Variants in GCSAML observed in about 807,000 individuals in gnomAD.
The protein encoded by GCSAML is germinal center-associated signaling and motility-like protein.
A neutral mutation model predicts 13.0 loss-of-function variants in GCSAML; 9 were observed. The observed-to-expected ratio is 0.69, with a 90% CI of 0.42 to 1.21. GCSAML has a LOEUF of 1.21. GCSAML is among the 50% of genes most tolerant of loss of function. The probability of loss-of-function intolerance (pLI) is 0.00; values close to 1 mark genes in which losing one functional copy is unlikely to be tolerated. For missense variants in GCSAML, 143 were observed against 153.4 expected, an observed-to-expected ratio of 0.93 and a Z score of 0.36; for synonymous variants, 37 against 52.9, an observed-to-expected ratio of 0.70 and a Z score of 1.31.
chr1:247,523,057 G>GT (rs1666515877), intron 1 of GCSAML, among the ~76,000 whole-genome samples: 1 of 151,928 alleles, frequency 6.6e-6, no homozygotes, highest in Non-Finnish European at 1.5e-5. Context: ...TATCAAAAAT[G>GT]TTTATCATTT....
chr1:247,542,161 A>G (rs1667437295), intron 2 of GCSAML, among the ~76,000 whole-genome samples: 1 of 152,236 alleles, frequency 6.6e-6, no homozygotes, highest in South Asian at 2.1e-4. Flanking sequence ...CTGTAGTCCC[A>G]GCTACTGGGG....
At chr1:247,531,416 A>C (rs1281853510) in intron 2 of GCSAML, 2 of 834,834 alleles carry the variant, frequency 2.4e-6, no homozygotes, top group Non-Finnish European at 3.8e-6. Context: ...GCATGAGCAC[A>C]CTCCTTTCAG....
At chr1:247,532,406 A>G in intron 2 of GCSAML, 1 of 1,614,146 alleles carries the variant, frequency 6.2e-7, no homozygotes, top group East Asian at 2.2e-5. Flanking sequence ...GATACCATGT[A>G]AAAACTCAAG....
At chr1:247,509,442 C>A (rs1210212571) in intron 1 of GCSAML, among the ~76,000 whole-genome samples, 1 of 152,166 alleles carries the variant, frequency 6.6e-6, no homozygotes, top group Non-Finnish European at 1.5e-5. Flanking sequence ...ACAATCATGT[C>A]ATCTGCAAAC....
At chr1:247,552,696 A>C (rs6426257) in intron 1 of GCSAML, among the ~76,000 whole-genome samples, 1 of 152,154 alleles carries the variant, frequency 6.6e-6, no homozygotes. Context: ...ATTTGGATTC[A>C]GACAACATTG....
At chr1:247,531,871 A>C in intron 2 of GCSAML, 1 of 1,614,234 alleles carries the variant, frequency 6.2e-7, no homozygotes, top group South Asian at 1.1e-5. Flanking sequence ...GACCAGGATG[A>C]GCCCCAGAGG....
At chr1:247,545,829 C>T (rs1425492512), upstream of GCSAML, among the ~76,000 whole-genome samples, 1 of 152,136 alleles carries the variant, frequency 6.6e-6, no homozygotes, top group Non-Finnish European at 1.5e-5. Flanking sequence ...ATATTTTCTC[C>T]CACTCCATAG....
Position 247,576,251 on chromosome 1 carries a change from G to GTTTCAGATGTTAAGCTGGTGA in GCSAML, c.*1871_*1891dup. 6.6e-6 allele frequency: 1 copy of GTTTCAGATGTTAAGCTGGTGA among 152,346 alleles called. No homozygotes were observed. Among genetic ancestry groups the GTTTCAGATGTTAAGCTGGTGA allele is most frequent in the East Asian group, 1.9e-4 (1 of 5,184 alleles). The allele number at this position is 152,346 out of a possible 1,614,324, so 9.4% of individuals were successfully genotyped here. On this transcript the variant is annotated 3_prime_UTR_variant, in exon 5 of 5. Transcript: ENST00000366488. ...ACTATTTCAAGTCAGTGCTCAAAAA[G>GTTTCAGATGTTAAGCTGGTGA]TTTCAGATGTTAAGCTGGTGATGCA...
intron 1 of GCSAML, among the ~76,000 whole-genome samples, chr1:247,551,792 T>C (rs964228825): frequency 1.3e-5 from 2 of 152,202 alleles, no homozygotes; most frequent in Non-Finnish European, 1.5e-5. Flanking sequence ...TGGATAGCCA[T>C]GTGGAAATAT....
intron 2 of GCSAML, chr1:247,536,377 C>A (rs1440989917): frequency 6.6e-6 from 1 of 152,170 alleles, no homozygotes; most frequent in African/African-American, 2.4e-5. Context: ...TGTTCAAATT[C>A]ATGTCTAAAG....
chr1:247,509,674 C>T (rs1213299314), intron 1 of GCSAML, among the ~76,000 whole-genome samples: 2 of 152,144 alleles, frequency 1.3e-5, no homozygotes, highest in Non-Finnish European at 2.9e-5. Context: ...GAGATGCATT[C>T]CATCAGTACC....
intron 2 of GCSAML, among the ~76,000 whole-genome samples, chr1:247,543,880 C>T (rs889085501): frequency 1.3e-5 from 2 of 152,076 alleles, no homozygotes; most frequent in Non-Finnish European, 2.9e-5. Context: ...GCTTCAAACT[C>T]CTGGGCTCAA....
chr1:247,552,854 C>G (rs1246740080), intron 1 of GCSAML, among the ~76,000 whole-genome samples: 1 of 152,108 alleles, frequency 6.6e-6, no homozygotes, highest in African/African-American at 2.4e-5. Flanking sequence ...CTTCCAGGTT[C>G]AAGCGATTCT....
rs1668867465 is a variant in GCSAML at position 247,577,135 on chromosome 1, A to G, written c.*2753A>G. The G allele has an allele frequency of 6.6e-6, 1 of 152,228 alleles. No individual in the cohort carries two copies. Among genetic ancestry groups the G allele is most frequent in the Non-Finnish European group, 1.5e-5 (1 of 68,038 alleles). 9.4% of individuals were successfully genotyped at this position (152,228 alleles called of 1,614,324 possible). A position where few individuals can be genotyped will look rare whatever the true frequency, so the allele number is the denominator to read the frequency against. On this transcript the variant is annotated 3_prime_UTR_variant, in exon 5 of 5. Transcript: ENST00000366488. ...TGAAGAACAATAGAATCATTGCTGT[A>G]TAAGTGCTTTTTAACCTGTAAATTT...
chr1:247,555,421 A>G (rs1415410757), intron 1 of GCSAML, among the ~76,000 whole-genome samples: 7 of 152,216 alleles, frequency 4.6e-5, no homozygotes. Flanking sequence ...CAAAATCTCT[A>G]CATCAGCAAC....
chr1:247,560,822 A>G (rs927625486), intron 2 of GCSAML, among the ~76,000 whole-genome samples: 57 of 152,228 alleles, frequency 3.7e-4, no homozygotes, highest in African/African-American at 1.2e-3. Context: ...GTCACTGACT[A>G]TAGTCACCAT....
chr1:247,545,262 T>G (rs936106175), upstream of GCSAML, among the ~76,000 whole-genome samples: 3 of 152,250 alleles, frequency 2.0e-5, no homozygotes, highest in South Asian at 2.1e-4. Context: ...GCCCCATGCC[T>G]TGCAGGACTG....
chr1:247,534,684 C>G (rs1667147578), intron 2 of GCSAML, among the ~76,000 whole-genome samples: 1 of 152,132 alleles, frequency 6.6e-6, no homozygotes, highest in East Asian at 1.9e-4. Flanking sequence ...ATTAGGGGAA[C>G]AGAGCAGCTG....
In GCSAML at chr1:247,549,225, G is replaced by A. The variant is rs544960043; in HGVS notation, c.29+5G>A. 3.1e-6 allele frequency: 5 copies of A among 1,613,014 alleles called. No homozygotes were observed. The East Asian group carries it at 6.7e-5, about 22-fold the overall frequency. On this transcript the variant is annotated splice_donor_5th_base_variant and intron_variant, in intron 1 of 4. Coordinates refer to ENST00000366488, the MANE Select transcript of GCSAML (RefSeq NM_145278.5). ...TTATCTCCTGCGAAAACTCAGGTGA[G>A]TCTTGACTCTTGGTGCCGCCTTTCT...
Sources: allele counts gnomAD v4.1 joint callset (sites outside exome capture counted in the v4.1 genomes callset), GRCh38; gene constraint gnomAD v4.1.1; transcripts MANE v1.5; gene names NCBI Gene and HGNC (gene_info 2026-07-23, HGNC 2026-07-21).